FER: variants seen among roughly 807,000 people sequenced by gnomAD.
The protein encoded by FER is FER tyrosine kinase.
Under a neutral mutation model 111.0 loss-of-function variants are expected in FER, and 63 were observed. The ratio of observed to expected loss-of-function variants is 0.57; its 90% confidence interval spans 0.46 to 0.70. The LOEUF (loss-of-function observed/expected upper bound fraction) is 0.70. FER is among the 30% of genes least tolerant of loss of function. The pLI, the probability that FER is intolerant of heterozygous loss-of-function variation, is 0.00. For synonymous variants in FER, 327 were observed against 313.9 expected (o/e 1.04, Z -0.44); for missense variants, 914 against 954.0 (o/e 0.96, Z 0.55).
At chr5:108,843,410 T>C (rs1761479952) in intron 5 of FER, among the ~76,000 whole-genome samples, 1 of 152,172 alleles carries the variant, frequency 6.6e-6, no homozygotes, top group African/African-American at 2.4e-5. Context: ...ATGAGTACAT[T>C]TATGTATTAA....
At chr5:108,945,831 G>A (rs1756912573) in intron 10 of FER, among the ~76,000 whole-genome samples, 1 of 151,802 alleles carries the variant, frequency 6.6e-6, no homozygotes, top group Non-Finnish European at 1.5e-5. Flanking sequence ...GGTTTTCTGT[G>A]AATTTCCTTT....
intron 13 of FER, among the ~76,000 whole-genome samples, chr5:109,013,156 G>A (rs1256538634): frequency 2.7e-5 from 4 of 150,176 alleles, no homozygotes; most frequent in Non-Finnish European, 5.9e-5. Flanking sequence ...GTATACATGT[G>A]CCATGCTGGT....
At chr5:108,828,837 C>G (rs1361860153) in intron 3 of FER, among the ~76,000 whole-genome samples, 1 of 152,094 alleles carries the variant, frequency 6.6e-6, no homozygotes, top group Non-Finnish European at 1.5e-5. Flanking sequence ...CAGTAGCTTA[C>G]GCCTGTAATC....
chr5:108,842,784 A>C (rs1264474812), intron 5 of FER: 1 of 152,206 alleles, frequency 6.6e-6, no homozygotes, highest in East Asian at 1.9e-4. Flanking sequence ...ATCAGGGAAC[A>C]CTTCTACACG....
chr5:108,812,677 T>C (rs1012932781), intron 3 of FER, among the ~76,000 whole-genome samples: 2 of 152,270 alleles, frequency 1.3e-5, no homozygotes, highest in East Asian at 1.9e-4. Context: ...TTGAGCATTT[T>C]TAAAATGTGA....
chr5:108,853,001 C>A (rs555071125), intron 5 of FER, among the ~76,000 whole-genome samples: 1 of 152,010 alleles, frequency 6.6e-6, no homozygotes, highest in South Asian at 2.1e-4. Flanking sequence ...AAGCTAAGTT[C>A]TACACATGAA....
At chr5:108,871,561 A>G (rs1488033727) in intron 7 of FER, 59 bp downstream of exon 7, 9 of 1,282,528 alleles carry the variant, frequency 7.0e-6, no homozygotes, top group Non-Finnish European at 7.5e-6. Context: ...CATTCATACA[A>G]TAGTTAACCA....
chr5:109,190,173 G>T lies in FER; in HGVS notation c.*2598G>T, dbSNP rs1033509553. 3 of 152,082 alleles carry T rather than the reference G, an allele frequency of 2.0e-5. No individual in the cohort carries two copies. Among genetic ancestry groups the T allele is most frequent in the African/African-American group, 7.2e-5 (3 of 41,414 alleles). The allele number at this position is 152,082 out of a possible 1,614,324, so 9.4% of individuals were successfully genotyped here. On this transcript the variant is annotated 3_prime_UTR_variant, in exon 20 of 20. Coordinates refer to ENST00000281092, the MANE Select transcript of FER (RefSeq NM_005246.4). Reference sequence around the variant, plus strand: ...TTATTGGAATTATATACTTTAGGAGGCTAATCCATGCCCAGGAAGCACGAA... The same window carrying T: ...TTATTGGAATTATATACTTTAGGAGTCTAATCCATGCCCAGGAAGCACGAA...
chr5:109,105,490 TAAATAA>T (rs1477194927), intron 17 of FER, among the ~76,000 whole-genome samples: 2 of 152,082 alleles, frequency 1.3e-5, no homozygotes, highest in Non-Finnish European at 2.9e-5. Context: ...AAAGACAAAA[TAAATAA>T]AAATAAAATA....
rs185457317 is a variant in FER at position 108,851,743 on chromosome 5, G to T, written c.481+15936G>T. On this transcript the variant is annotated intron_variant, in intron 5 of 19. Transcript: ENST00000281092. ...AAAAGATGTTAAAAATAACTACCTT[G>T]TAATTATATATTCAGATATAGCCTA... Among the ~76,000 whole-genome samples, 465 of 152,182 alleles carry T rather than the reference G, an allele frequency of 3.1e-3. 2 individuals are homozygous for T. The highest frequency in any genetic ancestry group is 0.011 in the African/African-American group (441 of 41,514).
chr5:109,155,832 C>G (rs755772297), intron 17 of FER, among the ~76,000 whole-genome samples: 1 of 151,846 alleles, frequency 6.6e-6, no homozygotes, highest in African/African-American at 2.4e-5. Context: ...CTGAGAGAGC[C>G]TATACACTGG....
At chr5:109,001,863 A>T (rs1189855935) in intron 13 of FER, among the ~76,000 whole-genome samples, 1 of 152,084 alleles carries the variant, frequency 6.6e-6, no homozygotes, top group East Asian at 1.9e-4. Context: ...GAGCCAAATC[A>T]TGAGTGAACT....
In FER at chr5:108,889,604, C is replaced by T. The variant is rs926244116; in HGVS notation, c.1046+6086C>T. 2.6e-5 allele frequency among the ~76,000 whole-genome samples: 4 copies of T among 151,790 alleles called. No individual in the cohort carries two copies. The Admixed American group carries it at 2.6e-4, about 10-fold the overall frequency. On this transcript the variant is annotated intron_variant, in intron 9 of 19. Coordinates refer to ENST00000281092, the MANE Select transcript of FER (RefSeq NM_005246.4). The stretch of plus-strand genomic sequence containing the variant: ...GAATGAGACCTGATATTTGATAGCA[C>T]AACAGGGTAACTGTAGTCAATAATA...
At chr5:108,969,388 T>C (rs934009395) in intron 13 of FER, among the ~76,000 whole-genome samples, 3 of 152,142 alleles carry the variant, frequency 2.0e-5, no homozygotes, top group African/African-American at 7.2e-5. Context: ...CCAAGAGACA[T>C]TGTTAATACA....
intron 17 of FER, among the ~76,000 whole-genome samples, chr5:109,122,521 G>GAA (rs60535794): frequency 2.8e-5 from 4 of 145,202 alleles, no homozygotes; most frequent in African/African-American, 7.6e-5. Flanking sequence ...CATGTGCTGA[G>GAA]AAAAAAAAAA....
chr5:108,959,191 T>C, intron 12 of FER, 34 bp from the exon 13 acceptor site: 1 of 1,587,992 alleles, frequency 6.3e-7, no homozygotes, highest in South Asian at 1.2e-5. Flanking sequence ...AGCAATGTCT[T>C]CACATTTATT....
chr5:108,986,160 G>T (rs1762552738), intron 13 of FER, among the ~76,000 whole-genome samples: 1 of 151,880 alleles, frequency 6.6e-6, no homozygotes, highest in South Asian at 2.1e-4. Context: ...TCACATTGTG[G>T]TTTTGATTTG....
chr5:109,192,269 A>G lies in FER; in HGVS notation c.*4694A>G, dbSNP rs1425797796. 2.6e-5 allele frequency: 4 copies of G among 152,186 alleles called. No homozygotes were observed. The highest frequency in any genetic ancestry group is 5.9e-5 in the Non-Finnish European group (4 of 68,024). 9.4% of individuals were successfully genotyped at this position (152,186 alleles called of 1,614,324 possible). ...CCAAGGCAGGATGATGCACCCCCACACAGAGTGTGGAAAAATTAAAGTGAA... is the reference window on the plus strand; with the variant it reads ...CCAAGGCAGGATGATGCACCCCCACGCAGAGTGTGGAAAAATTAAAGTGAA... On this transcript the variant is annotated 3_prime_UTR_variant, in exon 20 of 20. Transcript: ENST00000281092.
Position 108,872,193 on chromosome 5 carries a change from G to A in FER, c.904G>A (p.Ala302Thr). 6.2e-7 allele frequency: 1 copy of A among 1,607,820 alleles called. No individual in the cohort carries two copies. The highest frequency in any genetic ancestry group is 1.1e-5 in the South Asian group (1 of 90,096). The change falls in exon 8 of 20, where the codon GCA becomes ACA. Residue 302 changes from alanine to threonine, a missense_variant. Physicochemically the swap from Ala to Thr is moderately conservative, Grantham distance 58. Coordinates refer to ENST00000281092, the MANE Select transcript of FER (RefSeq NM_005246.4). ...ANEIMWNNLT[A>T]ESLQVMLKTL... ...TGAGATCATGTGGAATAACTTAACA[G>A]CAGAAAGTTTGCAAGTAATGTAAGT...
Sources: gnomAD v4.1 joint callset for allele counts (sites outside exome capture counted in the v4.1 genomes callset) on GRCh38, gnomAD v4.1.1 for gene constraint, MANE v1.5 for transcripts, NCBI Gene and HGNC (gene_info 2026-07-23, HGNC 2026-07-21) for gene names.